The following GRK7 variants were observed in gnomAD, a reference collection of about 807,000 sequenced individuals.
GRK7 encodes G protein-coupled receptor kinase 7, also known as rhodopsin kinase GRK7.
GRK7 carries 24 observed loss-of-function variants against 34.1 expected under a neutral mutation model. That is an observed-to-expected ratio of 0.70 (90% CI 0.51 to 0.99). The LOEUF is 0.99. GRK7 is among the 50% of genes least tolerant of loss of function. The probability of loss-of-function intolerance (pLI) is 0.00; values close to 1 mark genes in which losing one functional copy is unlikely to be tolerated. For synonymous variants in GRK7, 256 were observed against 279.4 expected, an observed-to-expected ratio of 0.92 and a Z score of 0.84; for missense variants, 644 against 707.3, an observed-to-expected ratio of 0.91 and a Z score of 1.02.
At chr3:141,798,515 C>T (rs1047032656) in intron 4 of GRK7, among the ~76,000 whole-genome samples, 7 of 152,210 alleles carry the variant, frequency 4.6e-5, no homozygotes, top group Non-Finnish European at 4.4e-5. Context: ...GCAATCCCTA[C>T]AGCCCTGGGC....
the GRK7 span, among the ~76,000 whole-genome samples, chr3:141,756,626 C>G: frequency 6.6e-6 from 1 of 152,098 alleles, no homozygotes. Flanking sequence ...ATTAACTGCA[C>G]ATGTAGGATG....
upstream of GRK7, among the ~76,000 whole-genome samples, chr3:141,763,094 G>C (rs144658781): frequency 1.3e-5 from 2 of 152,188 alleles, no homozygotes; most frequent in Admixed American, 1.3e-4. Flanking sequence ...CTTCTGTGTC[G>C]CTCACGCTGG....
At chr3:141,757,147 CT>C in the GRK7 span, among the ~76,000 whole-genome samples, 1,225 of 89,420 alleles carry the variant, frequency 0.014, 9 homozygotes, top group African/African-American at 0.028. Context: ...TTTTTTTTTT[CT>C]TTTTTTTTTT....
At chr3:141,793,436 G>A (rs2107885752) in intron 4 of GRK7, among the ~76,000 whole-genome samples, 1 of 152,342 alleles carries the variant, frequency 6.6e-6, no homozygotes, top group East Asian at 1.9e-4. Context: ...TATTGTGGGA[G>A]AAACTGAGTT....
intron 5 of GRK7, among the ~76,000 whole-genome samples, chr3:141,808,937 G>A (rs1336562694): frequency 6.6e-6 from 1 of 151,890 alleles, no homozygotes; most frequent in African/African-American, 2.4e-5. Context: ...AGCCAGGCAT[G>A]GTGGTTCACG....
intron 4 of GRK7, among the ~76,000 whole-genome samples, chr3:141,781,503 C>G (rs557183882): frequency 3.3e-4 from 50 of 149,326 alleles, no homozygotes; most frequent in African/African-American, 1.2e-3. Context: ...TGCCACTGCA[C>G]TCCAGCCTGC....
At chr3:141,790,126 C>T (rs117071461) in intron 4 of GRK7, among the ~76,000 whole-genome samples, 9 of 152,048 alleles carry the variant, frequency 5.9e-5, no homozygotes, top group Admixed American at 4.6e-4. Context: ...CTCAGCCTGC[C>T]GTGTAGCTGG....
chr3:141,807,664 T>G lies in GRK7; in HGVS notation c.1070T>G (p.Met357Arg). 3.1e-6 allele frequency: 5 copies of G among 1,614,168 alleles called. No homozygotes were observed. Among genetic ancestry groups the G allele is most frequent in the Non-Finnish European group, 3.4e-6 (4 of 1,179,974 alleles). ...ITQRAGTNGY[M>R]APEILMEKVS... ...TTACAGGCTGGAACCAATGGTTACA[T>G]GGCTCCTGAGATCCTAATGGAAAAG... Residue 357 changes from methionine to arginine, a missense_variant, in exon 5 of 6, where the codon ATG becomes AGG. Physicochemically the swap from Met to Arg is moderately conservative, Grantham distance 91. Transcript: ENST00000682958.
chr3:141,757,129 CTTTTTTT>C, the GRK7 span, among the ~76,000 whole-genome samples: 1 of 101,362 alleles, frequency 9.9e-6, no homozygotes, highest in Non-Finnish European at 1.9e-5. Flanking sequence ...AGATCTTCTT[CTTTTTTT>C]TTTTTTTTTT....
chr3:141,764,022 C>T lies in GRK7; in HGVS notation c.-1931C>T, dbSNP rs536492370. On this transcript the variant is annotated 5_prime_UTR_variant, in exon 1 of 6. Transcript: ENST00000682958. ...CTCTTCATTGCTGCTCTCCTTCCTT[C>T]CCTAAAAACACCCAGCTTTGAGTCT... Among the ~76,000 whole-genome samples the T allele has an allele frequency of 6.6e-6, 1 of 152,282 alleles. No individual in the cohort carries two copies. The highest frequency in any genetic ancestry group is 1.9e-4 in the East Asian group (1 of 5,180).
intron 4 of GRK7, among the ~76,000 whole-genome samples, chr3:141,796,761 C>CGTGTT (rs1710884917): frequency 6.6e-6 from 1 of 152,206 alleles, no homozygotes; most frequent in Non-Finnish European, 1.5e-5. Flanking sequence ...CTGAAGAACA[C>CGTGTT]GCTCAAGTGA....
At chr3:141,807,512 C>T in intron 4 of GRK7, 133 bp from the exon 5 acceptor site, 1 of 825,464 alleles carries the variant, frequency 1.2e-6, no homozygotes, top group Admixed American at 2.4e-5. Flanking sequence ...ATTGCCACCC[C>T]AAACAAATTA....
chr3:141,767,555 C>T (rs780202942), intron 1 of GRK7, among the ~76,000 whole-genome samples: 2 of 152,102 alleles, frequency 1.3e-5, no homozygotes, highest in Non-Finnish European at 2.9e-5. Flanking sequence ...CATGTGCCAC[C>T]ATGCCCAGAT....
Position 141,795,878 on chromosome 3 carries a change from T to G in GRK7, c.1051-11767T>G, listed in dbSNP as rs868240590. ...CAGAGGACTCAGGGAACTGTGGGCT[T>G]GCACATTGTCTAATGGAGTCACGGG... is the stretch of plus-strand genomic sequence containing the variant. On this transcript the variant is annotated intron_variant, in intron 4 of 5. Coordinates refer to ENST00000682958, the MANE Select transcript of GRK7 (RefSeq NM_139209.3). Among the ~76,000 whole-genome samples the G allele has an allele frequency of 1.5e-4, 23 of 152,080 alleles. 1 individual carries two copies. The South Asian group carries it at 3.5e-3, about 23-fold the overall frequency.
intron 4 of GRK7, among the ~76,000 whole-genome samples, chr3:141,786,081 G>A (rs542025129): frequency 2.6e-5 from 4 of 152,202 alleles, no homozygotes; most frequent in Admixed American, 2.0e-4. Flanking sequence ...TAGCCCATTA[G>A]CCAGGACCAT....
At chr3:141,803,561 T>G (rs1559846704) in intron 4 of GRK7, among the ~76,000 whole-genome samples, 1 of 152,192 alleles carries the variant, frequency 6.6e-6, no homozygotes, top group Non-Finnish European at 1.5e-5. Flanking sequence ...CTTCCACCCC[T>G]AAGCAACCAT....
At chr3:141,795,180 G>A (rs374449506) in intron 4 of GRK7, among the ~76,000 whole-genome samples, 1 of 152,192 alleles carries the variant, frequency 6.6e-6, no homozygotes, top group Non-Finnish European at 1.5e-5. Context: ...AGGAGCATGC[G>A]CTAGGTAAAG....
At chr3:141,753,764 T>C in the GRK7 span, among the ~76,000 whole-genome samples, 9,930 of 152,336 alleles carry the variant, frequency 0.065, 329 homozygotes, top group South Asian at 0.11. Context: ...GGAATTTATG[T>C]TTGTTTTAAA....
chr3:141,788,832 G>T (rs1217780072), intron 4 of GRK7, among the ~76,000 whole-genome samples: 1 of 152,166 alleles, frequency 6.6e-6, no homozygotes, highest in Non-Finnish European at 1.5e-5. Context: ...ATTATCTGGA[G>T]GAAAGAAGTT....
Sources: gnomAD v4.1 joint callset for allele counts (sites outside exome capture counted in the v4.1 genomes callset) on GRCh38, gnomAD v4.1.1 for gene constraint, MANE v1.5 for transcripts, NCBI Gene and HGNC (gene_info 2026-07-23, HGNC 2026-07-21) for gene names.